Variants in SUPT16H observed in about 807,000 individuals in gnomAD.
SUPT16H encodes the protein FACT complex subunit SPT16.
Under a neutral mutation model 136.2 loss-of-function variants are expected in SUPT16H, and 24 were observed. The observed-to-expected ratio is 0.18, with a 90% CI of 0.13 to 0.25. The LOEUF (loss-of-function observed/expected upper bound fraction) is 0.25, where lower values mean the gene tolerates loss of function less well. Among genes scored for constraint, SUPT16H ranks in the 10% least tolerant of loss-of-function variants. The probability of loss-of-function intolerance (pLI) is 1.00; values close to 1 mark genes in which losing one functional copy is unlikely to be tolerated. For synonymous variants in SUPT16H, 415 were observed against 428.2 expected, an observed-to-expected ratio of 0.97 and a Z score of 0.38; for missense variants, 623 against 1,270.2, an observed-to-expected ratio of 0.49 and a Z score of 7.74.
In SUPT16H at chr14:21,360,591, T is replaced by C. The variant is rs1232185783; in HGVS notation, c.2057-58A>G. ...ATAATTAAGTTAGGCCAAAAGGCAC[T>C]GCAACTCTTCTGGCTGATTTGCACA... On this transcript the variant is annotated intron_variant, in intron 17 of 25. Transcript: ENST00000216297. The C allele has an allele frequency of 2.1e-6, 3 of 1,445,916 alleles. No individual in the cohort carries two copies. The East Asian group carries it at 6.8e-5, about 33-fold the overall frequency. The allele number at this position is 1,445,916 out of a possible 1,614,324, so 89.6% of individuals were successfully genotyped here. A position where few individuals can be genotyped will look rare whatever the true frequency, so the allele number is the denominator to read the frequency against.
At chr14:21,379,253 T>C (rs898225524) in intron 1 of SUPT16H, among the ~76,000 whole-genome samples, 5 of 150,534 alleles carry the variant, frequency 3.3e-5, no homozygotes, top group African/African-American at 1.2e-4. Flanking sequence ...CTGGCCAATA[T>C]GGTGAAACCC....
chr14:21,369,422 ATGATT>A, intron 5 of SUPT16H, 67 bp from the exon 6 acceptor site: 4 of 1,583,090 alleles, frequency 2.5e-6, no homozygotes, highest in Non-Finnish European at 3.4e-6. Flanking sequence ...TGTGGACACT[ATGATT>A]TGAAGACAAA....
chr14:21,378,403 A>G (rs1475075625), intron 1 of SUPT16H, among the ~76,000 whole-genome samples: 1 of 152,250 alleles, frequency 6.6e-6, no homozygotes, highest in African/African-American at 2.4e-5. Context: ...CCAGCAGTGA[A>G]AACATCTATA....
At chr14:21,358,977 T>C (rs1566382917) in intron 19 of SUPT16H, among the ~76,000 whole-genome samples, 1 of 151,992 alleles carries the variant, frequency 6.6e-6, no homozygotes, top group African/African-American at 2.4e-5. Context: ...GCTAATTTTT[T>C]TGTATTTTTA....
chr14:21,377,828 C>T (rs772327956), intron 1 of SUPT16H, among the ~76,000 whole-genome samples: 3 of 152,134 alleles, frequency 2.0e-5, no homozygotes, highest in Non-Finnish European at 2.9e-5. Flanking sequence ...TTCGCCATGT[C>T]GGCCAGGGTA....
intron 1 of SUPT16H, among the ~76,000 whole-genome samples, chr14:21,377,409 G>C (rs1886926899): frequency 6.6e-6 from 1 of 152,110 alleles, no homozygotes; most frequent in African/African-American, 2.4e-5. Context: ...CCAAATAATG[G>C]CTTCAAAATT....
Position 21,362,959 on chromosome 14 carries a change from T to G in SUPT16H, c.1512-12A>C. ...TAGACTTGCGAGCTCTGGAGTGGGATAAAAAAACAACTGAGAAATTTCTGC... is the reference window on the plus strand; with the variant it reads ...TAGACTTGCGAGCTCTGGAGTGGGAGAAAAAAACAACTGAGAAATTTCTGC... On this transcript the variant is annotated splice_polypyrimidine_tract_variant and intron_variant, in intron 13 of 25. Coordinates refer to ENST00000216297, the MANE Select transcript of SUPT16H (RefSeq NM_007192.4). 1 of 1,612,950 alleles carries G rather than the reference T, an allele frequency of 6.2e-7. No homozygotes were observed. Among genetic ancestry groups the G allele is most frequent in the Non-Finnish European group, 8.5e-7 (1 of 1,179,618 alleles).
chr14:21,353,814 C>T lies in SUPT16H; in HGVS notation c.2809G>A (p.Gly937Arg), dbSNP rs569192537. Reference sequence around the variant, plus strand: ...TCTTCAATTTCAGACTCTGAATCCCCTTCTTCAGCATCACTCCCCTGGTGA... The same window carrying T: ...TCTTCAATTTCAGACTCTGAATCCCTTTCTTCAGCATCACTCCCCTGGTGA... ...PEGEGSDAEE[G>R]DSESEIEDET... Residue 937 changes from glycine (G) to arginine (R), a missense_variant, in exon 24 of 26, where the codon GGG becomes AGG. This residue lies in a region of SUPT16H where 88 missense variants were observed against 135.5 expected (regional missense o/e 0.65). Transcript: ENST00000216297. The T allele has an allele frequency of 6.2e-7, 1 of 1,613,602 alleles. No individual in the cohort carries two copies. The highest frequency in any genetic ancestry group is 1.3e-5 in the African/African-American group (1 of 75,000).
chr14:21,361,757 A>T (rs1886561255), intron 15 of SUPT16H, among the ~76,000 whole-genome samples: 1 of 152,100 alleles, frequency 6.6e-6, no homozygotes, highest in South Asian at 2.1e-4. Flanking sequence ...TACTTTTAAC[A>T]CTTATTTTCA....
At chr14:21,352,958 G>T in intron 25 of SUPT16H, 140 bp from the exon 26 acceptor site, 1 of 1,142,008 alleles carries the variant, frequency 8.8e-7, no homozygotes, top group Non-Finnish European at 1.2e-6. Context: ...TCTGAACCTT[G>T]GTTTATTTAC....
Position 21,353,810 on chromosome 14 carries a change from T to G in SUPT16H, c.2813A>C (p.Asp938Ala). 6.2e-7 allele frequency: 1 copy of G among 1,613,794 alleles called. No individual in the cohort carries two copies. The highest frequency in any genetic ancestry group is 8.5e-7 in the Non-Finnish European group (1 of 1,179,926). Residue 938 changes from aspartate to alanine, a missense_variant, in exon 24 of 26, where the codon GAT becomes GCT. Physicochemically the swap from Asp to Ala is moderately radical, Grantham distance 126 (BLOSUM62 -2). This residue lies in a region of SUPT16H where 88 missense variants were observed against 135.5 expected (regional missense o/e 0.65). Coordinates refer to ENST00000216297, the MANE Select transcript of SUPT16H (RefSeq NM_007192.4). The stretch of plus-strand genomic sequence containing the variant: ...CTCATCTTCAATTTCAGACTCTGAA[T>G]CCCCTTCTTCAGCATCACTCCCCTG... Reference protein sequence around the residue: ...EGEGSDAEEGDSESEIEDETF... With the variant: ...EGEGSDAEEGASESEIEDETF...
intron 25 of SUPT16H, among the ~76,000 whole-genome samples, 172 bp from the exon 26 acceptor site, chr14:21,352,990 G>T (rs61977522): frequency 0.05 from 7,566 of 152,172 alleles, 315 homozygotes; most frequent in African/African-American, 0.12. Flanking sequence ...TTATTTAAGG[G>T]TTAAATAAGG....
At chr14:21,352,843 T>A (rs776120479) in intron 25 of SUPT16H, 25 bp from the exon 26 acceptor site, 1 of 1,613,934 alleles carries the variant, frequency 6.2e-7, no homozygotes, top group African/African-American at 1.3e-5. Flanking sequence ...CATTATTAGT[T>A]AGCAATAGGT....
chr14:21,354,727 G>C, intron 22 of SUPT16H, 187 bp from the exon 23 acceptor site: 1 of 533,728 alleles, frequency 1.9e-6, no homozygotes, highest in Non-Finnish European at 3.0e-6. Context: ...GAGTATCTGG[G>C]ATTACAGGCG....
intron 16 of SUPT16H, 38 bp from the exon 17 acceptor site, chr14:21,361,010 C>T (rs778878572): frequency 1.9e-6 from 3 of 1,611,080 alleles, no homozygotes; most frequent in Non-Finnish European, 2.5e-6. Flanking sequence ...TGTCACATAT[C>T]CTTACAAGTC....
chr14:21,356,223 T>A (rs977922804), intron 22 of SUPT16H, among the ~76,000 whole-genome samples: 1 of 94,308 alleles, frequency 1.1e-5, no homozygotes, highest in Non-Finnish European at 2.5e-5. Context: ...CCCTCAAGTC[T>A]TTGGTGGAGG....
chr14:21,358,379 T>C lies in SUPT16H; in HGVS notation c.2350A>G (p.Ile784Val). 2 of 1,613,968 alleles carry C rather than the reference T, an allele frequency of 1.2e-6. No individual in the cohort carries two copies. Among genetic ancestry groups the C allele is most frequent in the Non-Finnish European group, 1.7e-6 (2 of 1,179,992 alleles). Reference sequence around the variant, plus strand: ...TTAGTTAGAGCCTCTACTTTCTCAATGAAATTTTTAAAGGCTGTTTTCAGT... The same window carrying C: ...TTAGTTAGAGCCTCTACTTTCTCAACGAAATTTTTAAAGGCTGTTTTCAGT... ...HKLKTAFKNF[I>V]EKVEALTKEE... Residue 784 changes from isoleucine (I) to valine (V), a missense_variant, in exon 20 of 26, where the codon ATT (isoleucine) becomes GTT (valine). By Grantham distance (29) the Ile-to-Val change is conservative. Around this residue, in one of 7 missense-constraint regions of SUPT16H, gnomAD observed 74 missense variants for 193.8 expected, o/e 0.38. Coordinates refer to ENST00000216297, the MANE Select transcript of SUPT16H (RefSeq NM_007192.4).
rs1886372724 is a variant in SUPT16H at position 21,353,779 on chromosome 14, A to G, written c.2844T>C (p.Phe948=). ...DSESEIEDET[F]NPSEDDYEEE... ...CTTCATAGTCATCTTCTGAAGGATT[A>G]AAAGTCTCATCTTCAATTTCAGACT... Residue 948 remains phenylalanine (F), a synonymous_variant, in exon 24 of 26, where the codon TTT becomes TTC. Coordinates refer to ENST00000216297, the MANE Select transcript of SUPT16H (RefSeq NM_007192.4). 1 of 1,614,112 alleles carries G rather than the reference A, an allele frequency of 6.2e-7. No individual in the cohort carries two copies. The highest frequency in any genetic ancestry group is 2.2e-5 in the East Asian group (1 of 44,876).
intron 2 of SUPT16H, 106 bp downstream of exon 2, chr14:21,373,232 C>T (rs1886826101): frequency 4.3e-6 from 4 of 921,264 alleles, no homozygotes; most frequent in South Asian, 4.2e-5. Flanking sequence ...AGGCATGAGC[C>T]ACCGCAGCCA....
Sources: allele counts gnomAD v4.1 joint callset (sites outside exome capture counted in the v4.1 genomes callset), GRCh38; gene constraint gnomAD v4.1.1; regional missense constraint gnomAD v4.1.1; transcripts MANE v1.5; gene names NCBI Gene and HGNC (gene_info 2026-07-23, HGNC 2026-07-21).